Variants in ELP2 observed in about 807,000 individuals in gnomAD.
The protein encoded by ELP2 is elongator acetyltransferase complex subunit 2.
A neutral mutation model predicts 119.2 loss-of-function variants in ELP2; 90 were observed. The ratio of observed to expected loss-of-function variants is 0.75; its 90% CI spans 0.64 to 0.90. The LOEUF (loss-of-function observed/expected upper bound fraction) is 0.90. Ranked by LOEUF, ELP2 falls within the 40% of genes least tolerant of loss-of-function variation. ELP2 has a pLI of 0.00. For missense variants in ELP2, 921 were observed against 967.8 expected, an observed-to-expected ratio of 0.95 and a Z score of 0.64; for synonymous variants, 339 against 331.0, an observed-to-expected ratio of 1.02 and a Z score of -0.26.
rs74536017 is a variant in ELP2, at chr18:36,171,637, C to T, written c.2324+477C>T. 1.7e-3 allele frequency among the ~76,000 whole-genome samples: 261 copies of T among 152,300 alleles called. 5 individuals carry two copies. The East Asian group carries it at 0.044, about 26-fold the overall frequency. ...TTGCCACCTGAGCTGGCATAGAGCA[C>T]CTGCTGTTTACAACCTCCTCCCCAT... On this transcript the variant is annotated intron_variant, in intron 21 of 21. Coordinates refer to ENST00000358232, the MANE Select transcript of ELP2 (RefSeq NM_018255.4).
rs1598854782 is a variant in ELP2, at chr18:36,176,294, T to A, written c.*1653T>A. On this transcript the variant is annotated 3_prime_UTR_variant, in exon 22 of 22. Coordinates refer to ENST00000358232, the MANE Select transcript of ELP2 (RefSeq NM_018255.4). ...GTGCCGTCAGCTGGGGGGTGGGGTGTGTGTGCGTGTATACCAAGGCAGTGA... is the reference window on the plus strand; with the variant it reads ...GTGCCGTCAGCTGGGGGGTGGGGTGAGTGTGCGTGTATACCAAGGCAGTGA... 6.6e-6 allele frequency: 1 copy of A among 152,206 alleles called. No homozygotes were observed. Among genetic ancestry groups the A allele is most frequent in the Admixed American group, 6.6e-5 (1 of 15,266 alleles). The allele number at this position is 152,206 out of a possible 1,614,324, so 9.4% of individuals were successfully genotyped here. A position where few individuals can be genotyped will look rare whatever the true frequency, so the allele number is the denominator to read the frequency against.
In ELP2 at chr18:36,129,989, G is replaced by A. The variant is rs138742252; in HGVS notation, c.56G>A (p.Arg19Gln). 976 of 1,614,192 alleles carry A rather than the reference G, an allele frequency of 6.0e-4. 9 individuals carry two copies. Among genetic ancestry groups the A allele is most frequent in the Non-Finnish European group, 7.4e-4 (871 of 1,180,022 alleles). The change falls in exon 1 of 22, where the codon CGG becomes CAG. Residue 19 changes from arginine to glutamine, a missense_variant. Physicochemically the swap from Arg to Gln is conservative, Grantham distance 43. Coordinates refer to ENST00000358232, the MANE Select transcript of ELP2 (RefSeq NM_018255.4). ...GTGTTTTGCTGCCCAAACCGGGTGC[G>A]GGGAGTCCTGAACTGGAGCTCTGGG... ...SHVFCCPNRV[R>Q]GVLNWSSGPR... is the part of the protein sequence containing the mutation.
intron 11 of ELP2, among the ~76,000 whole-genome samples, chr18:36,152,731 G>A (rs1049546452): frequency 6.6e-5 from 10 of 152,142 alleles, no homozygotes; most frequent in Admixed American, 1.3e-4. Flanking sequence ...CCCCACCCAC[G>A]ATTGTTCACT....
At chr18:36,155,706 T>G (rs1165432066) in intron 12 of ELP2, among the ~76,000 whole-genome samples, 1 of 152,186 alleles carries the variant, frequency 6.6e-6, no homozygotes, top group Non-Finnish European at 1.5e-5. Context: ...GCCCAGCTAA[T>G]TTTTAGATTT....
intron 11 of ELP2, among the ~76,000 whole-genome samples, 171 bp downstream of exon 11, chr18:36,146,552 A>G (rs1034412206): frequency 1.3e-5 from 2 of 152,172 alleles, no homozygotes; most frequent in African/African-American, 4.8e-5. Context: ...CATGTAGGTA[A>G]ATTTGCTACG....
intron 6 of ELP2, chr18:36,141,513 G>A: frequency 2.8e-6 from 1 of 359,950 alleles, no homozygotes; most frequent in Non-Finnish European, 5.4e-6. Context: ...CTACAGTGAA[G>A]CATTCCTAGT....
chr18:36,147,763 T>C (rs971900710), intron 11 of ELP2, among the ~76,000 whole-genome samples: 1 of 152,234 alleles, frequency 6.6e-6, no homozygotes, highest in Non-Finnish European at 1.5e-5. Context: ...AGTTAACATT[T>C]ATATGATATG....
At chr18:36,143,865 A>AG (rs1239655592) in intron 8 of ELP2, among the ~76,000 whole-genome samples, 1 of 152,234 alleles carries the variant, frequency 6.6e-6, no homozygotes, top group Admixed American at 6.5e-5. Context: ...GTTTTAGCAT[A>AG]GGAAGACCTA....
chr18:36,160,968 T>C lies in ELP2; in HGVS notation c.1725T>C (p.Cys575=). ...GHGYEIFCVT[C]NSSKTLLASA... ...GTTATGAAATATTTTGTGTTACTTG[T>C]AACAGTTCAAAGACTCTGCTTGCCT... Residue 575 remains cysteine (C), a synonymous_variant, in exon 17 of 22, where the codon TGT becomes TGC. Transcript: ENST00000358232. 3.1e-6 allele frequency: 5 copies of C among 1,613,820 alleles called. No individual in the cohort carries two copies. Among genetic ancestry groups the C allele is most frequent in the Non-Finnish European group, 4.2e-6 (5 of 1,179,764 alleles).
intron 19 of ELP2, among the ~76,000 whole-genome samples, chr18:36,169,451 ATCTCGGCTCACTGC>A: frequency 6.7e-6 from 1 of 149,342 alleles, no homozygotes; most frequent in Non-Finnish European, 1.5e-5. Context: ...CAGTGGCACG[ATCTCGGCTCACTGC>A]AACCTCTGCC....
At position 36,174,359 on chromosome 18, in the gene ELP2, A is replaced by G. The variant is rs1376013195; in HGVS notation, c.2325-126A>G. ...GTAAAATATTTTCCAGGTTAAAATAAAATGGCTAAAATGTTAATGATGCGA... is the reference window on the plus strand; with the variant it reads ...GTAAAATATTTTCCAGGTTAAAATAGAATGGCTAAAATGTTAATGATGCGA... On this transcript the variant is annotated intron_variant, in intron 21 of 21. Transcript: ENST00000358232. 1.1e-5 allele frequency: 10 copies of G among 933,138 alleles called. No homozygotes were observed. The East Asian group carries it at 2.7e-4, about 25-fold the overall frequency. 57.8% of individuals were successfully genotyped at this position (933,138 alleles called of 1,614,324 possible). A position where few individuals can be genotyped will look rare whatever the true frequency, so the allele number is the denominator to read the frequency against.
intron 3 of ELP2, among the ~76,000 whole-genome samples, chr18:36,137,772 A>G (rs2089877952): frequency 7.1e-6 from 1 of 140,400 alleles, no homozygotes; most frequent in African/African-American, 2.6e-5. Context: ...TAGAATGTTT[A>G]TTCAATCCCA....
At position 36,138,371 on chromosome 18, in the gene ELP2, C is replaced by T. The variant is rs374188452; in HGVS notation, c.390C>T (p.Ile130=). The T allele has an allele frequency of 4.1e-5, 66 of 1,613,932 alleles. 1 individual carries two copies. The highest frequency in any genetic ancestry group is 3.3e-4 in the Middle Eastern group (2 of 6,082). ...CAGATCCTGCATTATGTACACTGAT[C>T]GTTTCTGCAGCTGCAGATTCTGCTG... ...RTSDPALCTL[I]VSAAADSAVR... Residue 130 remains isoleucine, a synonymous_variant, in exon 4 of 22, where the codon ATC becomes ATT. Coordinates refer to ENST00000358232, the MANE Select transcript of ELP2 (RefSeq NM_018255.4).
intron 17 of ELP2, among the ~76,000 whole-genome samples, chr18:36,161,268 C>T (rs1462291681): frequency 6.6e-6 from 1 of 152,128 alleles, no homozygotes; most frequent in African/African-American, 2.4e-5. Context: ...AAAATGACAC[C>T]TGCAATCCCG....
At chr18:36,143,081 C>G (rs2090087167) in intron 8 of ELP2, 115 bp downstream of exon 8, 1 of 735,520 alleles carries the variant, frequency 1.4e-6, no homozygotes, top group South Asian at 1.9e-5. Context: ...CAGATTCCTA[C>G]CTGAAATTTC....
chr18:36,152,399 T>C (rs1303289851), intron 11 of ELP2, among the ~76,000 whole-genome samples: 1 of 152,210 alleles, frequency 6.6e-6, no homozygotes, highest in Non-Finnish European at 1.5e-5. Context: ...ATAAGGCTTC[T>C]TGAACGGTTT....
chr18:36,140,727 A>T (rs1030040023), intron 5 of ELP2, among the ~76,000 whole-genome samples: 4 of 152,158 alleles, frequency 2.6e-5, no homozygotes, highest in African/African-American at 9.7e-5. Flanking sequence ...TAACAAACAT[A>T]CCCTTAAATC....
At chr18:36,140,088 C>G (rs914263282) in intron 5 of ELP2, among the ~76,000 whole-genome samples, 2 of 152,108 alleles carry the variant, frequency 1.3e-5, no homozygotes, top group Non-Finnish European at 2.9e-5. Flanking sequence ...AAGTGGTTCT[C>G]CTGTCTCGGC....
chr18:36,174,347 C>G, intron 21 of ELP2, 138 bp from the exon 22 acceptor site: 2 of 819,096 alleles, frequency 2.4e-6, no homozygotes, highest in Middle Eastern at 3.4e-4. Context: ...AAATATTTTC[C>G]AGGTTAAAAT....
Sources: gnomAD v4.1 joint callset for allele counts (sites outside exome capture counted in the v4.1 genomes callset) on GRCh38, gnomAD v4.1.1 for gene constraint, MANE v1.5 for transcripts, NCBI Gene and HGNC (gene_info 2026-07-23, HGNC 2026-07-21) for gene names.